Variants in ATOH8 observed in about 807,000 individuals in gnomAD.
ATOH8 encodes the protein atonal bHLH transcription factor 8, also known as transcription factor ATOH8.
A neutral mutation model predicts 21.2 loss-of-function variants in ATOH8; 9 were observed. That is an observed-to-expected ratio of 0.42 (90% CI 0.26 to 0.74). The LOEUF (loss-of-function observed/expected upper bound fraction) is 0.74, where lower values mean the gene tolerates loss of function less well. Ranked by LOEUF, ATOH8 falls within the 30% of genes least tolerant of loss-of-function variation. The pLI is 0.24. For missense variants in ATOH8, 524 were observed against 470.9 expected (o/e 1.11, Z -1.04); for synonymous variants, 253 against 224.0 (o/e 1.13, Z -1.16).
Position 85,754,287 on chromosome 2 carries a change from C to G in ATOH8, c.98C>G (p.Pro33Arg), listed in dbSNP as rs749533778. The change falls in exon 1 of 3, where the codon CCG becomes CGG. Residue 33 changes from proline to arginine, a missense_variant. Pro to Arg is a moderately radical substitution (Grantham distance 103, BLOSUM62 -2). Transcript: ENST00000306279. ...LKKLKRKGKEPARRANGYKTF... is the reference protein window; with the variant it reads ...LKKLKRKGKERARRANGYKTF... ...AAGCTCAAGCGGAAAGGCAAGGAGC[C>G]GGCGCGGCGCGCGAACGGCTATAAA... 1 of 1,610,056 alleles carries G rather than the reference C, an allele frequency of 6.2e-7. No homozygotes were observed. Among genetic ancestry groups the G allele is most frequent in the Admixed American group, 1.7e-5 (1 of 59,938 alleles).
chr2:85,761,486 T>G (rs1679870578), intron 1 of ATOH8, among the ~76,000 whole-genome samples: 2 of 152,310 alleles, frequency 1.3e-5, no homozygotes, highest in Admixed American at 1.3e-4. Context: ...GGCCTCTAGA[T>G]TGGCCTTGGC....
Position 85,791,372 on chromosome 2 carries a change from T to A in ATOH8, c.*4482T>A, listed in dbSNP as rs1680763450. Among the ~76,000 whole-genome samples the A allele has an allele frequency of 6.6e-6, 1 of 152,180 alleles. No homozygotes were observed. Among genetic ancestry groups the A allele is most frequent in the African/African-American group, 2.4e-5 (1 of 41,438 alleles). On this transcript the variant is annotated 3_prime_UTR_variant, in exon 3 of 3. Coordinates refer to ENST00000306279, the MANE Select transcript of ATOH8 (RefSeq NM_032827.7). ...GAATGAATGAATAAAACATGGAAAA[T>A]GTGGTAATTCACTCATTTTTGTTTT...
intron 2 of ATOH8, among the ~76,000 whole-genome samples, chr2:85,771,827 AC>A (rs779196229): frequency 1.1e-4 from 17 of 152,212 alleles, no homozygotes; most frequent in Non-Finnish European, 2.9e-5. Flanking sequence ...TGTTATACTA[AC>A]CCCAAAGTTG....
intron 1 of ATOH8, 76 bp downstream of exon 1, chr2:85,755,033 G>C: frequency 6.8e-7 from 1 of 1,469,680 alleles, no homozygotes; most frequent in Non-Finnish European, 8.9e-7. Context: ...GGCCGGGGCG[G>C]GATAGAGGTG....
chr2:85,771,454 A>C (rs1160796352), intron 2 of ATOH8, among the ~76,000 whole-genome samples: 1 of 152,204 alleles, frequency 6.6e-6, no homozygotes, highest in Non-Finnish European at 1.5e-5. Context: ...GTAACAACTT[A>C]ATTGGAACCC....
intron 2 of ATOH8, chr2:85,773,980 T>C (rs1304846186): frequency 1.8e-5 from 11 of 619,280 alleles, no homozygotes; most frequent in African/African-American, 4.0e-5. Context: ...TCCCTACTCT[T>C]CCCTTGGGGG....
chr2:85,758,477 T>A (rs1453454965), intron 1 of ATOH8, among the ~76,000 whole-genome samples: 1 of 152,224 alleles, frequency 6.6e-6, no homozygotes, highest in Non-Finnish European at 1.5e-5. Flanking sequence ...TGTGTGCCGC[T>A]GTTGCTGCGG....
intron 1 of ATOH8, among the ~76,000 whole-genome samples, chr2:85,759,546 C>T (rs1679806444): frequency 1.3e-5 from 2 of 152,166 alleles, no homozygotes; most frequent in Admixed American, 6.5e-5. Context: ...GGCTATAGCT[C>T]TTAACCACCA....
rs1288527334 is a variant in ATOH8, at chr2:85,754,145, C to T, written c.-45C>T. 4 of 1,429,210 alleles carry T rather than the reference C, an allele frequency of 2.8e-6. No homozygotes were observed. The highest frequency in any genetic ancestry group is 3.6e-6 in the Non-Finnish European group (4 of 1,099,114). The allele number at this position is 1,429,210 out of a possible 1,614,324, so 88.5% of individuals were successfully genotyped here. A position where few individuals can be genotyped will look rare whatever the true frequency, so the allele number is the denominator to read the frequency against. On this transcript the variant is annotated 5_prime_UTR_variant, in exon 1 of 3. Transcript: ENST00000306279. ...GACTCCTCGGCGCTGAGCGCGGCGG[C>T]GGCCCGGGCAGCCCCACGCCCCTGC... is the stretch of plus-strand genomic sequence containing the variant.
At chr2:85,774,573 C>G (rs1248601537) in intron 2 of ATOH8, 1 of 985,486 alleles carries the variant, frequency 1.0e-6, no homozygotes, top group Non-Finnish European at 1.2e-6. Flanking sequence ...CCACCGGCGC[C>G]TGTCTTAGCT....
intron 1 of ATOH8, among the ~76,000 whole-genome samples, chr2:85,763,228 CAAATA>C (rs1679914920): frequency 6.6e-6 from 1 of 152,142 alleles, no homozygotes; most frequent in Non-Finnish European, 1.5e-5. Flanking sequence ...TCATGCAGCA[CAAATA>C]TTGGTGGAGA....
At chr2:85,759,666 G>A (rs990638599) in intron 1 of ATOH8, among the ~76,000 whole-genome samples, 1 of 152,106 alleles carries the variant, frequency 6.6e-6, no homozygotes, top group Non-Finnish European at 1.5e-5. Flanking sequence ...GGGTAGAGTG[G>A]ATTCACGTCG....
chr2:85,764,235 G>A (rs1679944962), intron 2 of ATOH8, 53 bp downstream of exon 2: 2 of 1,600,462 alleles, frequency 1.2e-6, no homozygotes, highest in South Asian at 2.2e-5. Flanking sequence ...GGGAGGCAGG[G>A]ACAGGAACTT....
chr2:85,760,170 G>A (rs1189698609), intron 1 of ATOH8, among the ~76,000 whole-genome samples: 4 of 152,064 alleles, frequency 2.6e-5, no homozygotes, highest in Admixed American at 6.5e-5. Flanking sequence ...GGGACCTTGC[G>A]AAAATGCCAA....
intron 2 of ATOH8, among the ~76,000 whole-genome samples, chr2:85,778,301 CGTGT>C (rs35948498): frequency 7.1e-5 from 10 of 141,498 alleles, no homozygotes; most frequent in African/African-American, 2.4e-4. Flanking sequence ...CACGTGCATA[CGTGT>C]GTGTGTGTGT....
At chr2:85,762,606 C>T (rs1679897864) in intron 1 of ATOH8, among the ~76,000 whole-genome samples, 1 of 152,096 alleles carries the variant, frequency 6.6e-6, no homozygotes, top group African/African-American at 2.4e-5. Flanking sequence ...AGCTGTCCCT[C>T]CTGGTGTAGG....
In ATOH8 at chr2:85,781,168, TGAGTA is replaced by T. The variant is rs1213023677; in HGVS notation, c.961-5716_961-5712del. 1.6e-5 allele frequency: 12 copies of T among 746,162 alleles called. No homozygotes were observed. The East Asian group carries it at 1.3e-3, about 81-fold the overall frequency. The allele number at this position is 746,162 out of a possible 1,614,324, so 46.2% of individuals were successfully genotyped here. On this transcript the variant is annotated intron_variant, in intron 2 of 2. Transcript: ENST00000306279. ...TCCACTTTTCGTAAAATACTGTATG[TGAGTA>T]CGCATATGCATGGGAATAGCATATG...
Position 85,787,075 on chromosome 2 carries a change from C to A in ATOH8, c.*185C>A. On this transcript the variant is annotated 3_prime_UTR_variant, in exon 3 of 3. Coordinates refer to ENST00000306279, the MANE Select transcript of ATOH8 (RefSeq NM_032827.7). Reference sequence around the variant, plus strand: ...CCCTCTCCCCTCCGCCCTCACCCAGCCAATCCGAGGCTGCTTCGCACTTTG... The same window carrying A: ...CCCTCTCCCCTCCGCCCTCACCCAGACAATCCGAGGCTGCTTCGCACTTTG... The A allele has an allele frequency of 1.4e-6, 1 of 712,026 alleles. No homozygotes were observed. The highest frequency in any genetic ancestry group is 2.3e-6 in the Non-Finnish European group (1 of 434,488). The allele number at this position is 712,026 out of a possible 1,614,324, so 44.1% of individuals were successfully genotyped here.
chr2:85,758,854 G>T (rs1220455136), intron 1 of ATOH8, among the ~76,000 whole-genome samples: 1 of 152,240 alleles, frequency 6.6e-6, no homozygotes, highest in Non-Finnish European at 1.5e-5. Context: ...TGCCAGGTGG[G>T]AGGGGTCAAA....
Sources: gnomAD v4.1 joint callset for allele counts (sites outside exome capture counted in the v4.1 genomes callset) on GRCh38, gnomAD v4.1.1 for gene constraint, MANE v1.5 for transcripts, NCBI Gene and HGNC (gene_info 2026-07-23, HGNC 2026-07-21) for gene names.